The following ACAD10 variants were observed in gnomAD, a reference collection of about 807,000 sequenced individuals.
ACAD10 encodes the protein ACAD-10.
ACAD10 carries 112 observed loss-of-function variants against 116.8 expected under a neutral mutation model. The ratio of observed to expected loss-of-function variants is 0.96; its 90% CI spans 0.82 to 1.12. The LOEUF (loss-of-function observed/expected upper bound fraction) is 1.12. ACAD10 is among the 50% of genes most tolerant of loss of function. ACAD10 has a pLI of 0.00. For missense variants in ACAD10, 1,259 were observed against 1,350.2 expected (o/e 0.93, Z 1.06); for synonymous variants, 486 against 510.6 (o/e 0.95, Z 0.65).
intron 2 of ACAD10, among the ~76,000 whole-genome samples, chr12:111,697,938 CTTT>C (rs1182061843): frequency 4.7e-5 from 6 of 126,398 alleles, no homozygotes; most frequent in East Asian, 2.2e-4. Flanking sequence ...GAGGTTGCGC[CTTT>C]TTTTTTTTTT....
intron 8 of ACAD10, among the ~76,000 whole-genome samples, chr12:111,723,919 C>T (rs1280536690): frequency 2.7e-5 from 4 of 150,396 alleles, no homozygotes; most frequent in Middle Eastern, 3.7e-3. Context: ...GGGTCTCGGC[C>T]GGGCAGAGGC....
rs369517778 is a variant in ACAD10 at position 111,727,934 on chromosome 12, C to T, written c.1062-28C>T. 3.2e-6 allele frequency: 5 copies of T among 1,585,238 alleles called. No individual in the cohort carries two copies. In the East Asian group the frequency reaches 9.0e-5, roughly 28 times the overall value. On this transcript the variant is annotated intron_variant, in intron 8 of 20. Transcript: ENST00000313698. Reference sequence around the variant, plus strand: ...AGCCTGCCACATTATGACTCTGATCCCTGAAACCCCTTCTGTGTTCCTCCC... The same window carrying T: ...AGCCTGCCACATTATGACTCTGATCTCTGAAACCCCTTCTGTGTTCCTCCC...
chr12:111,712,623 G>A lies in ACAD10; in HGVS notation c.816G>A (p.Lys272=), dbSNP rs1460193994. The A allele has an allele frequency of 1.2e-6, 2 of 1,614,156 alleles. No individual in the cohort carries two copies. The highest frequency in any genetic ancestry group is 2.2e-5 in the South Asian group (2 of 91,084). ...AAATTCCGAAAGATTCCTTGCAGAAGTACCTCAAAGACTTACTGGGTATCC... is the reference window on the plus strand; with the variant it reads ...AAATTCCGAAAGATTCCTTGCAGAAATACCTCAAAGACTTACTGGGTATCC... ...TMEIPKDSLQ[K]YLKDLLGIQT... is the part of the protein sequence containing the mutation. Residue 272 remains lysine, a synonymous_variant, in exon 6 of 21, where the codon AAG becomes AAA. Transcript: ENST00000313698.
At chr12:111,730,827 C>T (rs1011186102) in intron 10 of ACAD10, among the ~76,000 whole-genome samples, 1 of 151,706 alleles carries the variant, frequency 6.6e-6, no homozygotes, top group African/African-American at 2.4e-5. Flanking sequence ...TCTCAGCTCA[C>T]TGCCTACCCC....
At position 111,748,385 on chromosome 12, in the gene ACAD10, C is replaced by T. The variant is rs141914437; in HGVS notation, c.2554C>T (p.Arg852Trp). The stretch of plus-strand genomic sequence containing the variant: ...AACAGACCCACATGCACCAAGACAC[C>T]GGCAGCAGTCTGTGCTCTTGGTTCC... ...GKTDPHAPRH[R>W]QQSVLLVPMD... is the part of the protein sequence containing the mutation. Residue 852 changes from arginine (R) to tryptophan (W), a missense_variant, in exon 17 of 21, where the codon CGG becomes TGG. Transcript: ENST00000313698. 36 of 1,614,004 alleles carry T rather than the reference C, an allele frequency of 2.2e-5. No individual in the cohort carries two copies. Among genetic ancestry groups the T allele is most frequent in the African/African-American group, 5.3e-5 (4 of 74,906 alleles).
rs1281427787 is a variant in ACAD10, at chr12:111,757,014, A to G, written c.*541A>G. Reference sequence around the variant, plus strand: ...CTGGCATCTGATTATCTCCATTTGAACACACAGCACAGAACAATCATTTAA... The same window carrying G: ...CTGGCATCTGATTATCTCCATTTGAGCACACAGCACAGAACAATCATTTAA... On this transcript the variant is annotated 3_prime_UTR_variant, in exon 21 of 21. Coordinates refer to ENST00000313698, the MANE Select transcript of ACAD10 (RefSeq NM_025247.6). 5.0e-6 allele frequency: 2 copies of G among 397,972 alleles called. No individual in the cohort carries two copies. The highest frequency in any genetic ancestry group is 1.0e-5 in the Non-Finnish European group (2 of 198,776). 24.7% of individuals were successfully genotyped at this position (397,972 alleles called of 1,614,324 possible).
intron 12 of ACAD10, 196 bp from the exon 13 acceptor site, chr12:111,744,447 C>G (rs889083874): frequency 1.5e-5 from 10 of 648,408 alleles, no homozygotes; most frequent in Non-Finnish European, 2.6e-6. Context: ...AGTTTTCTTG[C>G]GTGCAAAGTG....
chr12:111,714,473 TG>T (rs1276546727), intron 6 of ACAD10, among the ~76,000 whole-genome samples: 11 of 151,302 alleles, frequency 7.3e-5, no homozygotes, highest in African/African-American at 2.7e-4. Flanking sequence ...GAGACCAGCC[TG>T]GTCAACATGG....
In ACAD10 at chr12:111,705,929, T is replaced by C; in HGVS notation, c.528T>C (p.Asp176=). 6.2e-7 allele frequency: 1 copy of C among 1,613,974 alleles called. No individual in the cohort carries two copies. The highest frequency in any genetic ancestry group is 8.5e-7 in the Non-Finnish European group (1 of 1,179,902). ...TGCCCCTGGACCGGAAACAGTTTGA[T>C]GTGGTAAGCTTGAGCTAATTGAAAA... is the stretch of plus-strand genomic sequence containing the variant. ...SFLPLDRKQF[D]VIVESCMEGI... is the part of the protein sequence containing the mutation. Residue 176 remains aspartate (D), a synonymous_variant, in exon 4 of 21, where the codon GAT becomes GAC. Transcript: ENST00000313698.
rs1168107819 is a variant in ACAD10 at position 111,748,397 on chromosome 12, G to A, written c.2566G>A (p.Val856Met). 2 of 1,614,158 alleles carry A rather than the reference G, an allele frequency of 1.2e-6. No individual in the cohort carries two copies. The highest frequency in any genetic ancestry group is 1.7e-6 in the Non-Finnish European group (2 of 1,180,026). Residue 856 changes from valine (V) to methionine (M), a missense_variant, in exon 17 of 21, where the codon GTG becomes ATG. Physicochemically the swap from Val to Met is conservative, Grantham distance 21. Transcript: ENST00000313698. ...PHAPRHRQQS[V>M]LLVPMDTPGI... ...TGCACCAAGACACCGGCAGCAGTCT[G>A]TGCTCTTGGTTCCCATGGATACCCC...
intron 4 of ACAD10, among the ~76,000 whole-genome samples, chr12:111,707,075 G>T (rs1888533302): frequency 6.7e-6 from 1 of 148,602 alleles, no homozygotes; most frequent in East Asian, 2.0e-4. Context: ...ATCGTGCCTG[G>T]CCCCTATTTG....
intron 20 of ACAD10, 93 bp from the exon 21 acceptor site, chr12:111,756,237 GGTT>G: frequency 6.8e-7 from 1 of 1,471,812 alleles, no homozygotes; most frequent in East Asian, 2.3e-5. Context: ...CCGGGAAGAT[GGTT>G]GTTATGGGCC....
intron 7 of ACAD10, among the ~76,000 whole-genome samples, chr12:111,717,849 C>G (rs1888888709): frequency 6.6e-6 from 1 of 151,820 alleles, no homozygotes; most frequent in South Asian, 2.1e-4. Flanking sequence ...CGTGCCTGGC[C>G]AAGGTTTTTG....
chr12:111,719,410 T>C (rs570098042), intron 7 of ACAD10, among the ~76,000 whole-genome samples: 5 of 151,676 alleles, frequency 3.3e-5, no homozygotes, highest in Non-Finnish European at 5.9e-5. Context: ...CATACCACCA[T>C]GCCTGGCTAA....
At chr12:111,734,128 C>T (rs960303241) in intron 11 of ACAD10, 60 bp downstream of exon 11, 10 of 1,608,804 alleles carry the variant, frequency 6.2e-6, no homozygotes, top group Non-Finnish European at 8.5e-6. Flanking sequence ...CATTTGGGAG[C>T]AAACTCAGCT....
chr12:111,725,110 C>T (rs1416222307), intron 8 of ACAD10, among the ~76,000 whole-genome samples: 1 of 152,122 alleles, frequency 6.6e-6, no homozygotes, highest in African/African-American at 2.4e-5. Context: ...CATTTATTTT[C>T]TGTATATGTG....
Position 111,746,243 on chromosome 12 carries a change from C to T in ACAD10, c.2215C>T (p.His739Tyr). The T allele has an allele frequency of 6.2e-7, 1 of 1,613,996 alleles. No individual in the cohort carries two copies. Among genetic ancestry groups the T allele is most frequent in the Admixed American group, 1.7e-5 (1 of 59,982 alleles). ...GAGLTNVEYAHLCELMGTSLY... is the reference protein window; with the variant it reads ...GAGLTNVEYAYLCELMGTSLY... The stretch of plus-strand genomic sequence containing the variant: ...AGGACTGACCAATGTGGAATATGCA[C>T]ATCTGTGTGAGCTCATGGGCACGTC... The change falls in exon 14 of 21, where the codon CAT (histidine) becomes TAT (tyrosine). Residue 739 changes from histidine to tyrosine, a missense_variant. Transcript: ENST00000313698.
intron 6 of ACAD10, among the ~76,000 whole-genome samples, chr12:111,714,349 C>A (rs555280849): frequency 1.3e-5 from 2 of 152,154 alleles, no homozygotes; most frequent in African/African-American, 4.8e-5. Context: ...CCTCAGAAAA[C>A]CAGGTGCCTT....
Position 111,701,663 on chromosome 12 carries a change from T to A in ACAD10, c.188-499T>A, listed in dbSNP as rs547553217. 2.0e-5 allele frequency among the ~76,000 whole-genome samples: 3 copies of A among 152,160 alleles called. No individual in the cohort carries two copies. The East Asian group carries it at 5.8e-4, about 29-fold the overall frequency. ...CTGGGTGACTGAGTGAGGCTTTTTCTGAAAAAAAGAAGAAATTTGCTTCCT... is the reference window on the plus strand; with the variant it reads ...CTGGGTGACTGAGTGAGGCTTTTTCAGAAAAAAAGAAGAAATTTGCTTCCT... On this transcript the variant is annotated intron_variant, in intron 2 of 20. Transcript: ENST00000313698.
Sources: gnomAD v4.1 joint callset for allele counts (sites outside exome capture counted in the v4.1 genomes callset) on GRCh38, gnomAD v4.1.1 for gene constraint, MANE v1.5 for transcripts, NCBI Gene and HGNC (gene_info 2026-07-23, HGNC 2026-07-21) for gene names.